HNF4G: variants seen among roughly 807,000 people sequenced by gnomAD.
HNF4G encodes hepatocyte nuclear factor 4-gamma.
A neutral mutation model predicts 50.9 loss-of-function variants in HNF4G; 21 were observed. That is an observed-to-expected ratio of 0.41 (90% CI 0.29 to 0.59). HNF4G has a LOEUF of 0.59. Among genes scored for constraint, HNF4G ranks in the 20% least tolerant of loss-of-function variants. The probability of loss-of-function intolerance (pLI) is 0.26; values close to 1 mark genes in which losing one functional copy is unlikely to be tolerated. For missense variants in HNF4G, 527 were observed against 559.4 expected, an observed-to-expected ratio of 0.94 and a Z score of 0.58; for synonymous variants, 198 against 185.6, an observed-to-expected ratio of 1.07 and a Z score of -0.54.
Position 75,560,482 on chromosome 8 carries a change from A to T in HNF4G, c.1246+16A>T, listed in dbSNP as rs762630705. The T allele has an allele frequency of 1.3e-6, 2 of 1,599,536 alleles. No homozygotes were observed. The highest frequency in any genetic ancestry group is 2.3e-5 in the South Asian group (2 of 87,916). The stretch of plus-strand genomic sequence containing the variant: ...GACCAGATCTGTAAGTTTATAGACT[A>T]CTTTTCAACCAAGATATTTCTTAAT... On this transcript the variant is annotated intron_variant, in intron 9 of 9. Coordinates refer to ENST00000396423, the MANE Select transcript of HNF4G (RefSeq NM_004133.5).
At chr8:75,487,268 A>C (rs1297883650) in intron 1 of HNF4G, among the ~76,000 whole-genome samples, 1 of 151,656 alleles carries the variant, frequency 6.6e-6, no homozygotes, top group Admixed American at 6.6e-5. Context: ...TATTTTATTT[A>C]TTTATTTGTT....
intron 2 of HNF4G, among the ~76,000 whole-genome samples, chr8:75,525,349 T>C (rs1806149969): frequency 6.6e-6 from 1 of 152,124 alleles, no homozygotes; most frequent in Non-Finnish European, 1.5e-5. Flanking sequence ...TTTGTATTTT[T>C]AGTGGAGATG....
chr8:75,427,078 G>T (rs1014653340), intron 1 of HNF4G, among the ~76,000 whole-genome samples: 4 of 151,894 alleles, frequency 2.6e-5, no homozygotes, highest in Non-Finnish European at 5.9e-5. Context: ...GAGAAGTGAG[G>T]TGATAATAAG....
intron 2 of HNF4G, among the ~76,000 whole-genome samples, chr8:75,518,993 C>G (rs1179102255): frequency 6.6e-6 from 1 of 152,134 alleles, no homozygotes; most frequent in Admixed American, 6.6e-5. Flanking sequence ...GTTCCAATTC[C>G]AAACCATATC....
At chr8:75,517,560 G>C (rs891204413) in intron 2 of HNF4G, among the ~76,000 whole-genome samples, 22 of 152,076 alleles carry the variant, frequency 1.4e-4, no homozygotes, top group Non-Finnish European at 2.5e-4. Context: ...AATTCAATGG[G>C]GCAGTCAAAT....
At chr8:75,474,855 G>A (rs1010688853) in intron 1 of HNF4G, among the ~76,000 whole-genome samples, 4 of 151,692 alleles carry the variant, frequency 2.6e-5, no homozygotes, top group African/African-American at 4.8e-5. Context: ...CTGCCACCAC[G>A]CCCAACTAAT....
At chr8:75,437,217 A>G (rs1811160620) in intron 1 of HNF4G, among the ~76,000 whole-genome samples, 1 of 152,246 alleles carries the variant, frequency 6.6e-6, no homozygotes, top group Non-Finnish European at 1.5e-5. Context: ...GAAAAGTGTG[A>G]ATAAGGCATA....
intron 2 of HNF4G, among the ~76,000 whole-genome samples, chr8:75,502,120 G>A (rs1225972708): frequency 6.6e-6 from 1 of 151,990 alleles, no homozygotes; most frequent in African/African-American, 2.4e-5. Context: ...CAAAGTGTTG[G>A]GATTACAGGC....
chr8:75,565,818 A>G lies in HNF4G; in HGVS notation c.*1722A>G, dbSNP rs1414495237. The G allele has an allele frequency of 6.6e-6, 1 of 152,194 alleles. No individual in the cohort carries two copies. The highest frequency in any genetic ancestry group is 1.5e-5 in the Non-Finnish European group (1 of 68,032). 9.4% of individuals were successfully genotyped at this position (152,194 alleles called of 1,614,324 possible). On this transcript the variant is annotated 3_prime_UTR_variant, in exon 10 of 10. Transcript: ENST00000396423. ...TAGCTCTTAAAGTAAAATTGAACTT[A>G]TTAAAAGCTATCTATGATTTAATAG...
At chr8:75,448,670 T>C (rs968842575) in intron 1 of HNF4G, among the ~76,000 whole-genome samples, 1 of 151,796 alleles carries the variant, frequency 6.6e-6, no homozygotes, top group African/African-American at 2.4e-5. Context: ...GAATGAAAAA[T>C]TATAAGTGAA....
At chr8:75,470,167 T>TA (rs1311847870) in intron 1 of HNF4G, among the ~76,000 whole-genome samples, 5 of 152,194 alleles carry the variant, frequency 3.3e-5, no homozygotes, top group African/African-American at 1.2e-4. Context: ...AGGATTCTCT[T>TA]ACGAAGTCAG....
Position 75,566,821 on chromosome 8 carries a change from T to C in HNF4G, c.*2725T>C, listed in dbSNP as rs1030423637. ...TTCACTAAACTTTCTAAATAAAAAC[T>C]GAGAAAAAAAAAATCACTGAAACCA... On this transcript the variant is annotated 3_prime_UTR_variant, in exon 10 of 10. Transcript: ENST00000396423. 3 of 104,814 alleles carry C rather than the reference T, an allele frequency of 2.9e-5. No individual in the cohort carries two copies. Among genetic ancestry groups the C allele is most frequent in the African/African-American group, 5.1e-5 (1 of 19,542 alleles). 6.5% of individuals were successfully genotyped at this position (104,814 alleles called of 1,614,324 possible). A position where few individuals can be genotyped will look rare whatever the true frequency, so the allele number is the denominator to read the frequency against.
intron 2 of HNF4G, among the ~76,000 whole-genome samples, chr8:75,517,479 G>T (rs1298346721): frequency 6.6e-6 from 1 of 152,218 alleles, no homozygotes; most frequent in Admixed American, 6.5e-5. Flanking sequence ...ACAGGCATTG[G>T]GTAAATACAC....
At chr8:75,496,110 A>T (rs1812760272) in intron 2 of HNF4G, among the ~76,000 whole-genome samples, 1 of 152,172 alleles carries the variant, frequency 6.6e-6, no homozygotes, top group African/African-American at 2.4e-5. Flanking sequence ...TTACTTCTTT[A>T]AAAGTAGTGT....
chr8:75,455,432 A>G (rs1436298243), intron 1 of HNF4G, among the ~76,000 whole-genome samples: 1 of 152,222 alleles, frequency 6.6e-6, no homozygotes, highest in Non-Finnish European at 1.5e-5. Context: ...TTAGTTACAC[A>G]CAGGCCACAA....
chr8:75,413,360 A>AATC (rs1810552839), intron 1 of HNF4G, among the ~76,000 whole-genome samples: 1 of 99,338 alleles, frequency 1.0e-5, no homozygotes, highest in African/African-American at 4.1e-5. Context: ...GGAGGGGAAT[A>AATC]GTGAGAACTA....
Position 75,565,340 on chromosome 8 carries a change from C to T in HNF4G, c.*1244C>T, listed in dbSNP as rs73692613. The T allele has an allele frequency of 6.8e-6, 1 of 147,638 alleles. No homozygotes were observed. Among genetic ancestry groups the T allele is most frequent in the Non-Finnish European group, 1.5e-5 (1 of 65,984 alleles). The allele number at this position is 147,638 out of a possible 1,614,324, so 9.1% of individuals were successfully genotyped here. Reference sequence around the variant, plus strand: ...TTGTTGTAGCTTGAATAAGAAACCACTTTTGTAGTTTTAACCAGACTTTCT... The same window carrying T: ...TTGTTGTAGCTTGAATAAGAAACCATTTTTGTAGTTTTAACCAGACTTTCT... On this transcript the variant is annotated 3_prime_UTR_variant, in exon 10 of 10. Transcript: ENST00000396423.
chr8:75,501,995 G>A (rs1354163425), intron 2 of HNF4G, among the ~76,000 whole-genome samples: 4 of 151,988 alleles, frequency 2.6e-5, no homozygotes, highest in African/African-American at 7.3e-5. Context: ...TGGTACTACA[G>A]GCGTGCACCA....
chr8:75,537,608 C>A (rs894387870), upstream of HNF4G, among the ~76,000 whole-genome samples: 21 of 152,032 alleles, frequency 1.4e-4, no homozygotes, highest in Admixed American at 1.2e-3. Context: ...TAGATAAAAG[C>A]AAATCGACTA....
Sources: allele counts gnomAD v4.1 joint callset (sites outside exome capture counted in the v4.1 genomes callset), GRCh38; gene constraint gnomAD v4.1.1; transcripts MANE v1.5; gene names NCBI Gene and HGNC (gene_info 2026-07-23, HGNC 2026-07-21).